Variants in NCAM1 observed in about 807,000 individuals in gnomAD.
NCAM1 encodes the protein neural cell adhesion molecule 1.
In NCAM1, 14 loss-of-function variants were observed where a neutral mutation model predicts 109.8. That is an observed-to-expected ratio of 0.13 (90% confidence interval 0.08 to 0.20). NCAM1 has a LOEUF of 0.20. Among genes scored for constraint, NCAM1 ranks in the 10% least tolerant of loss-of-function variants. The probability of loss-of-function intolerance (pLI) is 1.00; values close to 1 mark genes in which losing one functional copy is unlikely to be tolerated. For synonymous variants in NCAM1, 418 were observed against 442.9 expected (o/e 0.94, Z 0.70); for missense variants, 774 against 1,109.9 (o/e 0.70, Z 4.30).
At chr11:113,171,452 C>T (rs563112105) in intron 1 of NCAM1, among the ~76,000 whole-genome samples, 9 of 152,078 alleles carry the variant, frequency 5.9e-5, no homozygotes, top group East Asian at 3.9e-4. Context: ...GCCAAGATGG[C>T]GAAACCCCGT....
chr11:112,969,954 T>C (rs1185489469), intron 1 of NCAM1, among the ~76,000 whole-genome samples: 4 of 152,050 alleles, frequency 2.6e-5, no homozygotes, highest in African/African-American at 9.7e-5. Context: ...AAAAATCATG[T>C]CTATTAGTTT....
chr11:113,190,249 G>A (rs1395112157), intron 1 of NCAM1, among the ~76,000 whole-genome samples: 2 of 152,220 alleles, frequency 1.3e-5, no homozygotes, highest in East Asian at 3.8e-4. Context: ...CAGCCTGGGG[G>A]TTGGGGAAGG....
At position 113,067,334 on chromosome 11, in the gene NCAM1, G is replaced by A. The variant is rs544467063; in HGVS notation, c.52+105670G>A. ...CTGGAAGCCCAAGGTTTCACTGGGG[G>A]AATGTGAGTGTCCTAGAAGGGAAGA... On this transcript the variant is annotated intron_variant, in intron 1 of 19. Coordinates refer to ENST00000316851, the MANE Select transcript of NCAM1 (RefSeq NM_181351.5). Among the ~76,000 whole-genome samples the A allele has an allele frequency of 1.2e-4, 19 of 152,320 alleles. No homozygotes were observed. The South Asian group carries it at 1.9e-3, about 15-fold the overall frequency.
chr11:112,994,401 G>A (rs1196440643), intron 1 of NCAM1, among the ~76,000 whole-genome samples: 1 of 152,134 alleles, frequency 6.6e-6, no homozygotes, highest in East Asian at 1.9e-4. Context: ...AAACTCATAG[G>A]ATCTTCTCAT....
chr11:113,138,814 C>T (rs1719817430), intron 1 of NCAM1, among the ~76,000 whole-genome samples: 1 of 152,154 alleles, frequency 6.6e-6, no homozygotes, highest in African/African-American at 2.4e-5. Flanking sequence ...ATCATCCAGC[C>T]GAAACACAAT....
At chr11:113,093,892 G>T (rs113530630) in intron 1 of NCAM1, among the ~76,000 whole-genome samples, 1 of 152,130 alleles carries the variant, frequency 6.6e-6, no homozygotes, top group Non-Finnish European at 1.5e-5. Flanking sequence ...TTCTGCCTTC[G>T]CTCTGTGGTC....
intron 1 of NCAM1, among the ~76,000 whole-genome samples, chr11:113,078,993 A>G (rs1370401405): frequency 6.6e-6 from 1 of 152,206 alleles, no homozygotes; most frequent in Non-Finnish European, 1.5e-5. Context: ...GCCGAGGGTC[A>G]GCAGGAGTGT....
At chr11:113,236,593 C>T (rs1011927731) in intron 14 of NCAM1, among the ~76,000 whole-genome samples, 4 of 152,158 alleles carry the variant, frequency 2.6e-5, no homozygotes, top group South Asian at 2.1e-4. Context: ...GATTACCCCA[C>T]GGCAAAGATG....
At chr11:113,077,294 A>G (rs143980098) in intron 1 of NCAM1, among the ~76,000 whole-genome samples, 79 of 152,282 alleles carry the variant, frequency 5.2e-4, no homozygotes, top group African/African-American at 1.8e-3. Context: ...CATGGAGGAG[A>G]TTGTATTTTG....
At chr11:113,090,547 T>C (rs10891501) in intron 1 of NCAM1, among the ~76,000 whole-genome samples, 12,024 of 152,218 alleles carry the variant, frequency 0.079, 816 homozygotes, top group Admixed American at 0.17. Flanking sequence ...CAATGCCTAA[T>C]GTCACAATGC....
Position 113,273,748 on chromosome 11 carries a change from A to G in NCAM1, c.2457-1519A>G, listed in dbSNP as rs1467899962. On this transcript the variant is annotated intron_variant, in intron 19 of 19. Transcript: ENST00000316851. The surrounding 1 kb of genome is among the most constrained non-coding windows in gnomAD (Gnocchi z 6.0). The stretch of plus-strand genomic sequence containing the variant: ...GTTTCGCCTGCGCCAGCAAAGACCG[A>G]GTACGGCCTCTCTTTGTCTGCTGTC... 2.3e-6 allele frequency: 1 copy of G among 436,328 alleles called. No individual in the cohort carries two copies. The highest frequency in any genetic ancestry group is 4.7e-6 in the Non-Finnish European group (1 of 214,516). 27.0% of individuals were successfully genotyped at this position (436,328 alleles called of 1,614,324 possible). A position where few individuals can be genotyped will look rare whatever the true frequency, so the allele number is the denominator to read the frequency against.
intron 8 of NCAM1, among the ~76,000 whole-genome samples, chr11:113,215,142 A>G (rs1358190663): frequency 6.6e-6 from 1 of 152,180 alleles, no homozygotes; most frequent in East Asian, 1.9e-4. Context: ...GCAAATTAAA[A>G]TGGCGGGAAA....
chr11:113,034,669 A>G (rs932221612), intron 1 of NCAM1, among the ~76,000 whole-genome samples: 12 of 152,208 alleles, frequency 7.9e-5, no homozygotes, highest in African/African-American at 2.9e-4. Flanking sequence ...ATCGTACAGA[A>G]GATGAAGATT....
chr11:113,220,898 C>T (rs567467087), intron 8 of NCAM1, among the ~76,000 whole-genome samples: 9 of 152,092 alleles, frequency 5.9e-5, no homozygotes, highest in African/African-American at 9.6e-5. Flanking sequence ...CATGAGCAAC[C>T]GCACCCGGCC....
At chr11:113,011,532 C>T (rs10789935) in intron 1 of NCAM1, among the ~76,000 whole-genome samples, 18,392 of 151,854 alleles carry the variant, frequency 0.12, 1,206 homozygotes, top group East Asian at 0.32. Flanking sequence ...CCTGAGGAAT[C>T]GCCACACTGA....
At chr11:113,082,039 G>A (rs932084212) in intron 1 of NCAM1, among the ~76,000 whole-genome samples, 7 of 152,156 alleles carry the variant, frequency 4.6e-5, no homozygotes, top group African/African-American at 1.7e-4. Context: ...GTCTTTTAAT[G>A]TGTATGTTTA....
chr11:113,002,918 A>C (rs1181856495), intron 1 of NCAM1, among the ~76,000 whole-genome samples: 3 of 152,272 alleles, frequency 2.0e-5, no homozygotes, highest in African/African-American at 7.2e-5. Context: ...AGAGAAAAGC[A>C]AAAATAGTTC....
intron 1 of NCAM1, among the ~76,000 whole-genome samples, chr11:112,980,127 T>A (rs562717615): frequency 1.3e-5 from 2 of 151,788 alleles, no homozygotes; most frequent in South Asian, 4.2e-4. Flanking sequence ...GAAATGTAAA[T>A]CAAAGCCACA....
chr11:113,008,859 C>A (rs1038092413), intron 1 of NCAM1, among the ~76,000 whole-genome samples: 25 of 152,174 alleles, frequency 1.6e-4, no homozygotes, highest in African/African-American at 5.6e-4. Context: ...GTGATAGACA[C>A]AACATCAGCA....
Sources: gnomAD v4.1 joint callset for allele counts (sites outside exome capture counted in the v4.1 genomes callset) on GRCh38, gnomAD v4.1.1 for gene constraint, Gnocchi (gnomAD v3.1) non-coding constraint, MANE v1.5 for transcripts, NCBI Gene and HGNC (gene_info 2026-07-23, HGNC 2026-07-21) for gene names.